Variants in DRC10 observed in about 807,000 individuals in gnomAD.
DRC10 encodes dynein regulatory complex subunit 10, also known as IQ domain-containing protein D.
At chr12:113,195,492 C>T in the DRC10 span, 17 of 1,469,204 alleles carry the variant, frequency 1.2e-5, no homozygotes, top group Middle Eastern at 1.8e-4. Flanking sequence ...ACATGAAAGC[C>T]GTGAATTTAG....
At chr12:113,203,136 C>T in the DRC10 span, 9 of 412,564 alleles carry the variant, frequency 2.2e-5, no homozygotes, top group Admixed American at 1.4e-4. Context: ...AGTGATCCTC[C>T]CACCTCAGCT....
At chr12:113,214,858 T>C in the DRC10 span, among the ~76,000 whole-genome samples, 1 of 152,194 alleles carries the variant, frequency 6.6e-6, no homozygotes, top group Non-Finnish European at 1.5e-5. Flanking sequence ...TTTGAACTAT[T>C]ACCCAATCCT....
At chr12:113,205,858 C>T in the DRC10 span, among the ~76,000 whole-genome samples, 1 of 143,050 alleles carries the variant, frequency 7.0e-6, no homozygotes, top group Non-Finnish European at 1.5e-5. Flanking sequence ...CACTGCAGTC[C>T]GCAGTCCGGC....
the DRC10 span, chr12:113,207,980 C>A: frequency 6.2e-7 from 1 of 1,614,238 alleles, no homozygotes; most frequent in Admixed American, 1.7e-5. Flanking sequence ...ACCAGCTCCA[C>A]CTTGTAGATC....
At chr12:113,200,526 C>A in the DRC10 span, 2 of 928,938 alleles carry the variant, frequency 2.2e-6, no homozygotes, top group Non-Finnish European at 3.3e-6. Context: ...ACAGTCCCAC[C>A]CATCCCCCCC....
the DRC10 span, among the ~76,000 whole-genome samples, chr12:113,199,180 G>A: frequency 6.6e-3 from 1,008 of 152,120 alleles, 6 homozygotes; most frequent in Middle Eastern, 0.02. Context: ...CAGGAGATCC[G>A]TCTGCCTCAG....
the DRC10 span, among the ~76,000 whole-genome samples, chr12:113,210,615 A>C: frequency 6.6e-6 from 1 of 150,638 alleles, no homozygotes; most frequent in African/African-American, 2.4e-5. Context: ...AAAAAAAGAA[A>C]AAAAAAAAAA....
the DRC10 span, chr12:113,195,883 A>T: frequency 6.2e-7 from 1 of 1,600,490 alleles, no homozygotes; most frequent in South Asian, 1.1e-5. Context: ...AGATCCTCCA[A>T]CTCCTCCTGG....
At chr12:113,219,646 A>G in the DRC10 span, among the ~76,000 whole-genome samples, 1 of 152,030 alleles carries the variant, frequency 6.6e-6, no homozygotes, top group African/African-American at 2.4e-5. Context: ...TTCTTATGAA[A>G]ATATCTTTTG....
chr12:113,207,381 C>T, the DRC10 span: 3 of 1,438,112 alleles, frequency 2.1e-6, no homozygotes, highest in Non-Finnish European at 2.9e-6. Context: ...AAAAACCCAA[C>T]CAACAAAAGA....
At chr12:113,199,319 C>T in the DRC10 span, among the ~76,000 whole-genome samples, 1 of 152,022 alleles carries the variant, frequency 6.6e-6, no homozygotes, top group Non-Finnish European at 1.5e-5. Context: ...TCACTTGAGC[C>T]CAGGAGTTGG....
chr12:113,219,503 G>T, the DRC10 span, among the ~76,000 whole-genome samples: 73 of 151,966 alleles, frequency 4.8e-4, no homozygotes, highest in Admixed American at 1.4e-3. Flanking sequence ...CAACTCTTTT[G>T]CCCATTAAAA....
chr12:113,214,416 G>T, the DRC10 span, among the ~76,000 whole-genome samples: 2 of 143,434 alleles, frequency 1.4e-5, no homozygotes, highest in Non-Finnish European at 3.0e-5. Context: ...TGAGGCAGGA[G>T]AATCACTTGA....
chr12:113,215,990 T>C, the DRC10 span, among the ~76,000 whole-genome samples: 1 of 152,138 alleles, frequency 6.6e-6, no homozygotes, highest in Non-Finnish European at 1.5e-5. Context: ...TACTGTACGA[T>C]CCAGTAATTG....
chr12:113,219,787 C>T, the DRC10 span, among the ~76,000 whole-genome samples: 1 of 151,048 alleles, frequency 6.6e-6, no homozygotes, highest in Non-Finnish European at 1.5e-5. Context: ...ATTCTCCCAC[C>T]TCAGCCTTAT....
At chr12:113,195,573 G>A in the DRC10 span, 2 of 1,584,068 alleles carry the variant, frequency 1.3e-6, no homozygotes, top group Non-Finnish European at 1.7e-6. Flanking sequence ...TGGGTGGAGA[G>A]CTCATTTCTT....
At chr12:113,195,911 G>A in the DRC10 span, 4 of 1,578,770 alleles carry the variant, frequency 2.5e-6, no homozygotes, top group Non-Finnish European at 3.4e-6. Context: ...GGTGGGGCTG[G>A]GGTCACCACA....
chr12:113,205,661 G>A, the DRC10 span, among the ~76,000 whole-genome samples: 1 of 151,354 alleles, frequency 6.6e-6, no homozygotes, highest in Middle Eastern at 3.4e-3. Flanking sequence ...AGGCCGAGGC[G>A]GGTGGATCAT....
At chr12:113,198,899 T>C in the DRC10 span, among the ~76,000 whole-genome samples, 1 of 151,856 alleles carries the variant, frequency 6.6e-6, no homozygotes, top group East Asian at 1.9e-4. Context: ...TAGATCAGCC[T>C]GGGCAACAGA....
Sources: allele counts gnomAD v4.1 joint callset (sites outside exome capture counted in the v4.1 genomes callset), GRCh38; gene constraint gnomAD v4.1.1; transcripts MANE v1.5; gene names NCBI Gene and HGNC (gene_info 2026-07-23, HGNC 2026-07-21).